The following CALN1 variants were observed in gnomAD, a reference collection of about 807,000 sequenced individuals.
The protein encoded by CALN1 is calcium-binding protein 8.
CALN1 carries 17 observed loss-of-function variants against 30.6 expected under a neutral mutation model. That is an observed-to-expected ratio of 0.56 (90% CI 0.38 to 0.83). CALN1 has a LOEUF of 0.83. Among genes scored for constraint, CALN1 ranks in the 40% least tolerant of loss-of-function variants. The pLI, the probability that CALN1 is intolerant of heterozygous loss-of-function variation, is 0.00. For missense variants in CALN1, 291 were observed against 354.9 expected, an observed-to-expected ratio of 0.82 and a Z score of 1.45; for synonymous variants, 156 against 131.4, an observed-to-expected ratio of 1.19 and a Z score of -1.28.
chr7:71,815,521 C>T (rs1447601271), intron 5 of CALN1, among the ~76,000 whole-genome samples: 1 of 152,116 alleles, frequency 6.6e-6, no homozygotes, highest in Non-Finnish European at 1.5e-5. Context: ...CTGAGTAGAT[C>T]CTCAACCATC....
At chr7:72,490,346 A>G in the CALN1 span, among the ~76,000 whole-genome samples, 2 of 152,248 alleles carry the variant, frequency 1.3e-5, no homozygotes, top group Non-Finnish European at 2.9e-5. Context: ...AGAAAATACT[A>G]TAAAATGTTG....
At chr7:71,845,972 G>T (rs1790209136) in intron 5 of CALN1, among the ~76,000 whole-genome samples, 1 of 152,134 alleles carries the variant, frequency 6.6e-6, no homozygotes, top group Non-Finnish European at 1.5e-5. Flanking sequence ...AGAATCACTT[G>T]AACCTGGGAG....
intron 2 of CALN1, among the ~76,000 whole-genome samples, chr7:72,402,129 T>A (rs1359289450): frequency 6.6e-6 from 1 of 152,064 alleles, no homozygotes; most frequent in African/African-American, 2.4e-5. Context: ...CATTGTCCTA[T>A]TCCAGATGCT....
chr7:72,118,398 A>G (rs534500476), intron 3 of CALN1, among the ~76,000 whole-genome samples: 4 of 152,344 alleles, frequency 2.6e-5, no homozygotes, highest in African/African-American at 9.6e-5. Flanking sequence ...TCTACTACTC[A>G]GGTCATGAAA....
At chr7:72,151,215 A>G (rs1233333067) in intron 3 of CALN1, among the ~76,000 whole-genome samples, 1 of 152,108 alleles carries the variant, frequency 6.6e-6, no homozygotes, top group African/African-American at 2.4e-5. Context: ...GTGCCCTCCA[A>G]GGGCCTTGGG....
intron 4 of CALN1, among the ~76,000 whole-genome samples, chr7:72,070,941 A>C (rs1366234406): frequency 6.6e-6 from 1 of 152,218 alleles, no homozygotes; most frequent in Non-Finnish European, 1.5e-5. Context: ...AGAAAGTCAA[A>C]ACAAAACTGG....
chr7:72,092,084 A>G (rs1478261143), intron 4 of CALN1, among the ~76,000 whole-genome samples: 9 of 152,144 alleles, frequency 5.9e-5, no homozygotes, highest in Non-Finnish European at 1.3e-4. Context: ...TTTACTTTTC[A>G]TATCTAGTTT....
chr7:72,090,885 G>A (rs992493494), intron 4 of CALN1, among the ~76,000 whole-genome samples: 6 of 152,112 alleles, frequency 3.9e-5, no homozygotes, highest in East Asian at 1.9e-4. Flanking sequence ...TATTGAACTC[G>A]TGGAGAAAGA....
At chr7:72,181,757 G>A (rs1477525471) in intron 3 of CALN1, among the ~76,000 whole-genome samples, 1 of 152,176 alleles carries the variant, frequency 6.6e-6, no homozygotes, top group Non-Finnish European at 1.5e-5. Flanking sequence ...TTACGGGCAT[G>A]AGCCACCACA....
intron 2 of CALN1, among the ~76,000 whole-genome samples, chr7:72,340,235 G>T (rs558737556): frequency 2.6e-5 from 4 of 152,220 alleles, no homozygotes; most frequent in Admixed American, 2.6e-4. Flanking sequence ...GAAAATCTTT[G>T]AACTCACTTA....
chr7:72,068,330 TTC>T (rs1229097044), intron 4 of CALN1, among the ~76,000 whole-genome samples: 1 of 152,220 alleles, frequency 6.6e-6, no homozygotes, highest in Non-Finnish European at 1.5e-5. Context: ...TTCTAATATT[TTC>T]TTTTTATACC....
chr7:72,008,223 A>T lies in CALN1; in HGVS notation c.501+15434T>A, dbSNP rs1218154031. ...GATATTATATATCTGACATTCTATG[A>T]TTATGCAAAAAAATGAAAAACCAAT... On this transcript the variant is annotated intron_variant, in intron 5 of 6. Coordinates refer to ENST00000395275, the MANE Select transcript of CALN1 (RefSeq NM_031468.4). Among the ~76,000 whole-genome samples, 4 of 152,284 alleles carry T rather than the reference A, an allele frequency of 2.6e-5. No homozygotes were observed. The East Asian group carries it at 7.7e-4, about 29-fold the overall frequency.
At chr7:71,983,424 A>G (rs1798501866) in intron 5 of CALN1, among the ~76,000 whole-genome samples, 1 of 152,242 alleles carries the variant, frequency 6.6e-6, no homozygotes, top group African/African-American at 2.4e-5. Flanking sequence ...TGAGTCCAAC[A>G]GTGTCTCTAT....
intron 3 of CALN1, among the ~76,000 whole-genome samples, chr7:72,117,718 G>T (rs12668647): frequency 0.22 from 33,006 of 151,978 alleles, 4,534 homozygotes; most frequent in East Asian, 0.69. Flanking sequence ...AGCACTTTGG[G>T]AGGCCAAGCT....
At chr7:72,114,270 A>AGT (rs1807796414) in intron 3 of CALN1, among the ~76,000 whole-genome samples, 1 of 70,082 alleles carries the variant, frequency 1.4e-5, no homozygotes, top group Non-Finnish European at 2.7e-5. Flanking sequence ...AAGGGAAGGG[A>AGT]AGGGAAGGGA....
intron 2 of CALN1, among the ~76,000 whole-genome samples, chr7:72,393,997 T>G (rs7778594): frequency 6.6e-6 from 1 of 151,992 alleles, no homozygotes; most frequent in Non-Finnish European, 1.5e-5. Flanking sequence ...ACATAGGAAG[T>G]AAATGGATCC....
chr7:72,146,789 G>C (rs1447622406), intron 3 of CALN1, among the ~76,000 whole-genome samples: 1 of 152,154 alleles, frequency 6.6e-6, no homozygotes, highest in South Asian at 2.1e-4. Flanking sequence ...CAATGGAACA[G>C]AACAGAGCCC....
At chr7:72,374,207 G>A (rs925157990) in intron 2 of CALN1, among the ~76,000 whole-genome samples, 2 of 152,168 alleles carry the variant, frequency 1.3e-5, no homozygotes, top group East Asian at 3.8e-4. Context: ...AAATATCTAG[G>A]TGAATTTAAT....
chr7:72,193,972 G>T (rs1790809566), intron 3 of CALN1, among the ~76,000 whole-genome samples: 1 of 151,944 alleles, frequency 6.6e-6, no homozygotes, highest in Non-Finnish European at 1.5e-5. Flanking sequence ...GGTGGGAGGG[G>T]GTGAGAGATA....
Sources: allele counts gnomAD v4.1 joint callset (sites outside exome capture counted in the v4.1 genomes callset), GRCh38; gene constraint gnomAD v4.1.1; transcripts MANE v1.5; gene names NCBI Gene and HGNC (gene_info 2026-07-23, HGNC 2026-07-21).